AOPEP: variants seen among roughly 807,000 people sequenced by gnomAD.
AOPEP encodes aminopeptidase O.
A neutral mutation model predicts 98.1 loss-of-function variants in AOPEP; 77 were observed. That is an observed-to-expected ratio of 0.78 (90% CI 0.65 to 0.95). AOPEP has a LOEUF of 0.95. AOPEP is among the 40% of genes least tolerant of loss of function. The pLI is 0.00. For synonymous variants in AOPEP, 346 were observed against 365.3 expected (o/e 0.95, Z 0.60); for missense variants, 1,024 against 1,024.7 (o/e 1.00, Z 0.01).
At chr9:94,831,995 A>G (rs1856074615) in intron 5 of AOPEP, among the ~76,000 whole-genome samples, 1 of 152,134 alleles carries the variant, frequency 6.6e-6, no homozygotes, top group South Asian at 2.1e-4. Flanking sequence ...AAAGGTGATG[A>G]TCATTAAAAA....
At chr9:94,789,836 G>C (rs557080735) in intron 3 of AOPEP, among the ~76,000 whole-genome samples, 1 of 152,198 alleles carries the variant, frequency 6.6e-6, no homozygotes, top group Non-Finnish European at 1.5e-5. Context: ...CAGTGTCTCT[G>C]GATTTGATTG....
intron 5 of AOPEP, among the ~76,000 whole-genome samples, chr9:94,858,883 C>T (rs2135379361): frequency 6.6e-6 from 1 of 152,060 alleles, no homozygotes; most frequent in East Asian, 1.9e-4. Flanking sequence ...ACCCTGTCTG[C>T]TGGGTGTGGT....
At position 95,012,993 on chromosome 9, in the gene AOPEP, G is replaced by GGT. The variant is rs531681549; in HGVS notation, c.2115+7378_2115+7379insTG. On this transcript the variant is annotated intron_variant, in intron 13 of 16. Coordinates refer to ENST00000375315, the MANE Select transcript of AOPEP (RefSeq NM_001193329.3). Reference sequence around the variant, plus strand: ...AGTTTTCCTGTTTTTTTTTTGGGGGGGGGGGCAGGGCGATTATCTCTTATC... The same window carrying GGT: ...AGTTTTCCTGTTTTTTTTTTGGGGGGGTGGGGGCAGGGCGATTATCTCTTATC... 2.2e-5 allele frequency among the ~76,000 whole-genome samples: 3 copies of GGT among 135,452 alleles called. 1 individual carries two copies. The highest frequency in any genetic ancestry group is 4.5e-4 in the East Asian group (2 of 4,460). The allele number at this position is 135,452 out of a possible 152,430, so 88.9% of individuals were successfully genotyped here.
chr9:94,938,111 G>C (rs887296774), intron 7 of AOPEP, among the ~76,000 whole-genome samples: 1 of 152,218 alleles, frequency 6.6e-6, no homozygotes, highest in Non-Finnish European at 1.5e-5. Flanking sequence ...CTGACCTTGT[G>C]ATCCACCTGC....
At chr9:94,790,793 G>A (rs1161088257) in intron 3 of AOPEP, among the ~76,000 whole-genome samples, 1 of 151,980 alleles carries the variant, frequency 6.6e-6, no homozygotes, top group Non-Finnish European at 1.5e-5. Flanking sequence ...AAAATGTCAT[G>A]TTAGGTCTGC....
the AOPEP span, among the ~76,000 whole-genome samples, chr9:95,147,130 T>C: frequency 1.3e-5 from 2 of 152,044 alleles, no homozygotes; most frequent in African/African-American, 4.8e-5. Context: ...AACATTTATT[T>C]ATGATGTATT....
At chr9:94,963,933 C>T (rs1437071808) in intron 9 of AOPEP, among the ~76,000 whole-genome samples, 1 of 151,938 alleles carries the variant, frequency 6.6e-6, no homozygotes, top group Non-Finnish European at 1.5e-5. Flanking sequence ...AGGTATATGC[C>T]AATTTATGAA....
At chr9:95,022,962 C>T (rs531736021) in intron 13 of AOPEP, among the ~76,000 whole-genome samples, 15 of 152,184 alleles carry the variant, frequency 9.9e-5, no homozygotes, top group Admixed American at 5.9e-4. Flanking sequence ...CCTTTCTCCC[C>T]GCTGTAGTCC....
chr9:94,840,702 T>C (rs2042168177), intron 5 of AOPEP, among the ~76,000 whole-genome samples: 1 of 152,226 alleles, frequency 6.6e-6, no homozygotes, highest in Non-Finnish European at 1.5e-5. Flanking sequence ...ATGCTGTCTC[T>C]TTCATCCTGG....
chr9:94,826,046 AT>A lies in AOPEP; in HGVS notation c.1364+25055del, dbSNP rs997681644. 5.8e-3 allele frequency among the ~76,000 whole-genome samples: 859 copies of A among 148,364 alleles called. 10 individuals are homozygous for A. Among genetic ancestry groups the A allele is most frequent in the African/African-American group, 0.018 (738 of 40,664 alleles). ...TTTTTAATGTGGACAAAGTTATTAG[AT>A]TTTTTTTTTTATGTCTTCAAAGGAA... On this transcript the variant is annotated intron_variant, in intron 5 of 16. Coordinates refer to ENST00000375315, the MANE Select transcript of AOPEP (RefSeq NM_001193329.3).
chr9:94,913,620 A>AC (rs1442789991), intron 5 of AOPEP, among the ~76,000 whole-genome samples: 1 of 152,176 alleles, frequency 6.6e-6, no homozygotes, highest in African/African-American at 2.4e-5. Flanking sequence ...ATTAAGAGAG[A>AC]CATTTACTTT....
chr9:94,775,264 T>C (rs1841823464), intron 3 of AOPEP, among the ~76,000 whole-genome samples: 1 of 152,138 alleles, frequency 6.6e-6, no homozygotes, highest in African/African-American at 2.4e-5. Flanking sequence ...TTTTTTCAAA[T>C]AGAAAACCAG....
intron 5 of AOPEP, among the ~76,000 whole-genome samples, chr9:94,875,347 GAAAAAAAAAA>G (rs71366265): frequency 1.3e-4 from 9 of 71,510 alleles, no homozygotes; most frequent in East Asian, 4.2e-4. Context: ...AATTGAGCAA[GAAAAAAAAAA>G]AAAAAAAAAA....
the AOPEP span, among the ~76,000 whole-genome samples, chr9:95,128,905 TCTC>T: frequency 1.8e-4 from 27 of 149,826 alleles, no homozygotes; most frequent in East Asian, 9.7e-4. Context: ...TGAAAACCAG[TCTC>T]CTTTTTTTTT....
chr9:95,108,219 C>G, the AOPEP span, among the ~76,000 whole-genome samples: 2 of 152,138 alleles, frequency 1.3e-5, no homozygotes, highest in African/African-American at 4.8e-5. Flanking sequence ...TGTGTGAGCT[C>G]CTCTGACCAC....
the AOPEP span, chr9:95,107,341 T>G: frequency 1.3e-6 from 2 of 1,521,470 alleles, no homozygotes; most frequent in Non-Finnish European, 1.8e-6. Context: ...ATTTATTTAT[T>G]TGCTTTGAAA....
intron 5 of AOPEP, among the ~76,000 whole-genome samples, chr9:94,838,667 A>G (rs982278119): frequency 1.2e-4 from 18 of 152,348 alleles, no homozygotes; most frequent in Admixed American, 1.2e-3. Flanking sequence ...ATCTTGAGAT[A>G]AATTTGGAAA....
intron 7 of AOPEP, among the ~76,000 whole-genome samples, chr9:94,933,993 C>A (rs575824679): frequency 5.9e-5 from 9 of 152,308 alleles, no homozygotes; most frequent in Non-Finnish European, 1.2e-4. Context: ...TGTGATCCGC[C>A]TGCCTCGGCC....
intron 3 of AOPEP, 95 bp from the exon 4 acceptor site, chr9:94,792,670 C>T (rs1845996752): frequency 8.1e-7 from 1 of 1,231,392 alleles, no homozygotes; most frequent in Non-Finnish European, 1.1e-6. Flanking sequence ...ACCAGCTTAT[C>T]ACAAAAGCTC....
Sources: gnomAD v4.1 joint callset for allele counts (sites outside exome capture counted in the v4.1 genomes callset) on GRCh38, gnomAD v4.1.1 for gene constraint, MANE v1.5 for transcripts, NCBI Gene and HGNC (gene_info 2026-07-23, HGNC 2026-07-21) for gene names.